The following R3HDM2 variants were observed in gnomAD, a reference collection of about 807,000 sequenced individuals.
R3HDM2 encodes R3H domain containing 2.
A neutral mutation model predicts 124.5 loss-of-function variants in R3HDM2; 38 were observed. The observed-to-expected ratio is 0.31, with a 90% CI of 0.24 to 0.40. R3HDM2 has a LOEUF of 0.40. Among genes scored for constraint, R3HDM2 ranks in the 10% least tolerant of loss-of-function variants. R3HDM2 has a pLI of 1.00. For synonymous variants in R3HDM2, 391 were observed against 448.0 expected (o/e 0.87, Z 1.61); for missense variants, 869 against 1,236.9 (o/e 0.70, Z 4.46).
In R3HDM2 at chr12:57,264,418, A is replaced by C. The variant is rs888598757; in HGVS notation, c.2131+2313T>G. Reference sequence around the variant, plus strand: ...TAAAAAAAAAAAAAAAAAAAAATACAAAAATTAGCCAGGCATGGTGGCAGG... The same window carrying C: ...TAAAAAAAAAAAAAAAAAAAAATACCAAAATTAGCCAGGCATGGTGGCAGG... On this transcript the variant is annotated intron_variant, in intron 19 of 23. Transcript: ENST00000402412. 1.3e-4 allele frequency among the ~76,000 whole-genome samples: 19 copies of C among 147,962 alleles called. 1 individual carries two copies. The highest frequency in any genetic ancestry group is 1.5e-5 in the Non-Finnish European group (1 of 67,118).
intron 2 of R3HDM2, among the ~76,000 whole-genome samples, chr12:57,335,665 C>CTT (rs1213483574): frequency 8.2e-5 from 11 of 133,398 alleles, no homozygotes; most frequent in African/African-American, 1.7e-4. Context: ...ACCCAGCTAA[C>CTT]TTTTTTTTTT....
In R3HDM2 at chr12:57,349,306, G is replaced by T. The variant is rs1453572942; in HGVS notation, c.-35-38843C>A. 2.0e-5 allele frequency among the ~76,000 whole-genome samples: 3 copies of T among 148,196 alleles called. No homozygotes were observed. The East Asian group carries it at 6.2e-4, about 31-fold the overall frequency. ...GAGGCAGGAGAATGGCGTGAACCCG[G>T]GAGGCAGAGCTTGCAGTGAGCCGAG... is the stretch of plus-strand genomic sequence containing the variant. On this transcript the variant is annotated intron_variant, in intron 2 of 23. Transcript: ENST00000402412.
intron 1 of R3HDM2, among the ~76,000 whole-genome samples, chr12:57,416,332 G>A (rs2069600849): frequency 6.6e-6 from 1 of 152,116 alleles, no homozygotes; most frequent in African/African-American, 2.4e-5. Flanking sequence ...ATTATCAATT[G>A]GTAAATACAG....
At chr12:57,419,446 T>C (rs949772219) in intron 1 of R3HDM2, among the ~76,000 whole-genome samples, 10 of 141,498 alleles carry the variant, frequency 7.1e-5, no homozygotes, top group Admixed American at 6.4e-4. Flanking sequence ...TCTGGCCATC[T>C]TTTTTTTTTT....
At chr12:57,280,076 G>A (rs549278551) in intron 14 of R3HDM2, among the ~76,000 whole-genome samples, 1 of 152,312 alleles carries the variant, frequency 6.6e-6, no homozygotes, top group Admixed American at 6.5e-5. Context: ...ATGGGGTACA[G>A]TAGAAATGTG....
rs2049771540 is a variant in R3HDM2, at chr12:57,296,005, G to C, written c.701+406C>G. The stretch of plus-strand genomic sequence containing the variant: ...CTGCCTCAGCCTCCCGAGTAGCTGG[G>C]ATTACAGGCGCCTGCCACCGCGCCC... On this transcript the variant is annotated intron_variant, in intron 9 of 23. Transcript: ENST00000402412. This position sits in a 1 kb window ranked among gnomAD's most constrained non-coding sequence, Gnocchi z 4.5. Among the ~76,000 whole-genome samples the C allele has an allele frequency of 6.6e-6, 1 of 152,104 alleles. No individual in the cohort carries two copies. The highest frequency in any genetic ancestry group is 3.2e-3 in the Middle Eastern group (1 of 316).
intron 14 of R3HDM2, among the ~76,000 whole-genome samples, chr12:57,278,083 A>C (rs1173397765): frequency 6.6e-6 from 1 of 152,188 alleles, no homozygotes; most frequent in Admixed American, 6.5e-5. Flanking sequence ...AGGGCATCAA[A>C]ACCTGGATAA....
At chr12:57,407,845 G>C (rs1477621285) in intron 1 of R3HDM2, among the ~76,000 whole-genome samples, 1 of 152,116 alleles carries the variant, frequency 6.6e-6, no homozygotes, top group Non-Finnish European at 1.5e-5. Flanking sequence ...GCTCACTGCA[G>C]CCTGAAACTC....
At chr12:57,310,185 G>T in intron 3 of R3HDM2, 79 bp downstream of exon 3, 2 of 1,062,026 alleles carry the variant, frequency 1.9e-6, no homozygotes, top group Non-Finnish European at 2.6e-6. Flanking sequence ...ACTCCAGGTT[G>T]GGTAACAGAC....
At chr12:57,273,365 GTTA>G (rs1322911178) in intron 14 of R3HDM2, among the ~76,000 whole-genome samples, 1 of 152,198 alleles carries the variant, frequency 6.6e-6, no homozygotes, top group Admixed American at 6.5e-5. Context: ...CTAGTGGGTA[GTTA>G]TTATTTTTTC....
intron 1 of R3HDM2, among the ~76,000 whole-genome samples, chr12:57,402,551 G>C (rs911527437): frequency 6.6e-6 from 1 of 151,840 alleles, no homozygotes; most frequent in African/African-American, 2.4e-5. Context: ...TGGCCAGGCT[G>C]GTCTCAAACT....
In R3HDM2 at chr12:57,338,676, T is replaced by C. The variant is rs199824566; in HGVS notation, c.-35-28213A>G. On this transcript the variant is annotated intron_variant, in intron 2 of 23. Coordinates refer to ENST00000402412, the MANE Select transcript of R3HDM2 (RefSeq NM_001394031.1). Reference sequence around the variant, plus strand: ...CAAAGTAACATGCTGGGCTTACAAGTGTGAGCCACAATGCCTGGTCCTGAT... The same window carrying C: ...CAAAGTAACATGCTGGGCTTACAAGCGTGAGCCACAATGCCTGGTCCTGAT... Among the ~76,000 whole-genome samples, 21 of 152,206 alleles carry C rather than the reference T, an allele frequency of 1.4e-4. No homozygotes were observed. The East Asian group carries it at 3.1e-3, about 23-fold the overall frequency.
intron 2 of R3HDM2, among the ~76,000 whole-genome samples, chr12:57,350,188 C>T (rs1485064695): frequency 2.0e-5 from 3 of 151,434 alleles, no homozygotes; most frequent in Non-Finnish European, 4.4e-5. Context: ...CCAGACTGGG[C>T]GACAGAGCAA....
At chr12:57,354,106 G>A (rs1288133341) in intron 2 of R3HDM2, among the ~76,000 whole-genome samples, 2 of 151,824 alleles carry the variant, frequency 1.3e-5, no homozygotes, top group African/African-American at 2.4e-5. Context: ...CTGACCTCAG[G>A]TGTCTGCCCA....
intron 2 of R3HDM2, among the ~76,000 whole-genome samples, chr12:57,376,283 A>C (rs2064061126): frequency 6.6e-6 from 1 of 152,236 alleles, no homozygotes; most frequent in Non-Finnish European, 1.5e-5. Context: ...AAGCAGCCCC[A>C]AACCCCAATC....
chr12:57,288,799 C>T lies in R3HDM2; in HGVS notation c.938+210G>A, dbSNP rs919361218. 2.1e-6 allele frequency: 3 copies of T among 1,435,750 alleles called. No homozygotes were observed. The Admixed American group carries it at 6.1e-5, about 29-fold the overall frequency. The allele number at this position is 1,435,750 out of a possible 1,614,324, so 88.9% of individuals were successfully genotyped here. A position where few individuals can be genotyped will look rare whatever the true frequency, so the allele number is the denominator to read the frequency against. ...CAAACCCACTCTGCTGAAAAGATTA[C>T]AGCAAAACAAAATAAAATTAAAAAT... is the stretch of plus-strand genomic sequence containing the variant. On this transcript the variant is annotated intron_variant, in intron 12 of 23. Coordinates refer to ENST00000402412, the MANE Select transcript of R3HDM2 (RefSeq NM_001394031.1).
At chr12:57,319,283 G>A (rs1281171350) in intron 2 of R3HDM2, among the ~76,000 whole-genome samples, 4 of 152,024 alleles carry the variant, frequency 2.6e-5, no homozygotes, top group South Asian at 2.1e-4. Flanking sequence ...TAATCTGCCC[G>A]CCTCAGCCTC....
chr12:57,254,824 C>T lies in R3HDM2; in HGVS notation c.2922G>A (p.Met974Ile). The T allele has an allele frequency of 6.2e-7, 1 of 1,608,532 alleles. No individual in the cohort carries two copies. Among genetic ancestry groups the T allele is most frequent in the Non-Finnish European group, 8.5e-7 (1 of 1,176,818 alleles). Residue 974 changes from methionine (M) to isoleucine (I), a missense_variant, in exon 24 of 24, where the codon ATG becomes ATA. Met to Ile is a conservative substitution (Grantham distance 10, BLOSUM62 1). Coordinates refer to ENST00000402412, the MANE Select transcript of R3HDM2 (RefSeq NM_001394031.1). ...TCCTCAGGTCATAGTTCTTTTTGGC[C>T]ATTCGAAGTTTGAAGCGACTCACGG... Reference protein sequence around the residue: ...NNSVSRFKLRMAKKNYDLRIL... With the variant: ...NNSVSRFKLRIAKKNYDLRIL...
chr12:57,269,136 C>G, intron 16 of R3HDM2, 54 bp from the exon 17 acceptor site: 1 of 1,595,714 alleles, frequency 6.3e-7, no homozygotes. Context: ...GGAGGTCACA[C>G]TCTATCTGTA....
Sources: gnomAD v4.1 joint callset for allele counts (sites outside exome capture counted in the v4.1 genomes callset) on GRCh38, gnomAD v4.1.1 for gene constraint, Gnocchi (gnomAD v3.1) non-coding constraint, MANE v1.5 for transcripts, NCBI Gene and HGNC (gene_info 2026-07-23, HGNC 2026-07-21) for gene names.